HMGCLL1: variants seen among roughly 807,000 people sequenced by gnomAD.
The protein encoded by HMGCLL1 is 3-hydroxy-3-methylglutaryl-CoA lyase like 1, also known as 3-hydroxymethyl-3-methylglutaryl-CoA lyase, cytoplasmic.
In HMGCLL1, 36 loss-of-function variants were observed where a neutral mutation model predicts 39.1. The observed-to-expected ratio is 0.92, with a 90% CI of 0.71 to 1.22. The LOEUF is 1.22. HMGCLL1 is among the 50% of genes most tolerant of loss of function. HMGCLL1 has a pLI of 0.00. For missense variants in HMGCLL1, 451 were observed against 416.5 expected (o/e 1.08, Z -0.72); for synonymous variants, 149 against 144.0 (o/e 1.03, Z -0.25).
intron 7 of HMGCLL1, among the ~76,000 whole-genome samples, chr6:55,480,935 C>T (rs980011361): frequency 6.6e-6 from 1 of 152,010 alleles, no homozygotes; most frequent in Non-Finnish European, 1.5e-5. Context: ...AAAATTAAAA[C>T]AATTGAGCTC....
chr6:55,541,879 C>T, intron 2 of HMGCLL1, 43 bp from the exon 3 acceptor site: 2 of 1,145,412 alleles, frequency 1.7e-6, no homozygotes, highest in East Asian at 2.4e-5. Flanking sequence ...TGTATAGGTC[C>T]TATTTAAGCA....
chr6:55,638,407 CAAA>C, the HMGCLL1 span, among the ~76,000 whole-genome samples: 2,273 of 132,766 alleles, frequency 0.017, 28 homozygotes, highest in African/African-American at 0.046. Flanking sequence ...AACTCAGTCT[CAAA>C]AAAAAAAAAA....
At chr6:55,442,433 T>C (rs1763643018) in intron 7 of HMGCLL1, among the ~76,000 whole-genome samples, 1 of 152,154 alleles carries the variant, frequency 6.6e-6, no homozygotes, top group African/African-American at 2.4e-5. Context: ...CTGTTCAACA[T>C]TTGGCCATTG....
At chr6:55,596,765 A>T in the HMGCLL1 span, among the ~76,000 whole-genome samples, 1 of 152,198 alleles carries the variant, frequency 6.6e-6, no homozygotes, top group African/African-American at 2.4e-5. Flanking sequence ...GTTATCAGCA[A>T]TTAGTTCATG....
chr6:55,446,743 A>G (rs1312809279), intron 7 of HMGCLL1, among the ~76,000 whole-genome samples: 1 of 152,104 alleles, frequency 6.6e-6, no homozygotes, highest in African/African-American at 2.4e-5. Context: ...AAATGAATAC[A>G]TACAACAATA....
the HMGCLL1 span, among the ~76,000 whole-genome samples, chr6:55,632,142 T>A: frequency 6.6e-6 from 1 of 152,116 alleles, no homozygotes; most frequent in African/African-American, 2.4e-5. Context: ...GCTAACAACA[T>A]TTGAGCCAAG....
At chr6:55,615,989 T>G in the HMGCLL1 span, among the ~76,000 whole-genome samples, 1 of 152,098 alleles carries the variant, frequency 6.6e-6, no homozygotes, top group Non-Finnish European at 1.5e-5. Context: ...CCCTTAAAAT[T>G]TTATTCCTGG....
chr6:55,607,151 T>C, the HMGCLL1 span, among the ~76,000 whole-genome samples: 1 of 152,174 alleles, frequency 6.6e-6, no homozygotes, highest in Admixed American at 6.5e-5. Flanking sequence ...TTTGTTGTTA[T>C]GCTTTGAATG....
At chr6:55,652,686 C>T in the HMGCLL1 span, among the ~76,000 whole-genome samples, 1 of 152,074 alleles carries the variant, frequency 6.6e-6, no homozygotes, top group African/African-American at 2.4e-5. Flanking sequence ...ACTCATACAG[C>T]TCACGGCCAG....
chr6:55,469,452 T>G (rs2127402104), intron 7 of HMGCLL1, among the ~76,000 whole-genome samples: 1 of 137,306 alleles, frequency 7.3e-6, no homozygotes, highest in African/African-American at 3.0e-5. Context: ...CATATATATG[T>G]ATATATGTGT....
chr6:55,621,181 G>A, the HMGCLL1 span, among the ~76,000 whole-genome samples: 1 of 152,124 alleles, frequency 6.6e-6, no homozygotes, highest in East Asian at 1.9e-4. Flanking sequence ...TCTTTTGATA[G>A]AGATTGCACT....
At chr6:55,673,788 T>C in the HMGCLL1 span, among the ~76,000 whole-genome samples, 1 of 152,006 alleles carries the variant, frequency 6.6e-6, no homozygotes, top group Non-Finnish European at 1.5e-5. Flanking sequence ...CTTTACAAAG[T>C]ATTTCAAATA....
intron 7 of HMGCLL1, among the ~76,000 whole-genome samples, chr6:55,467,902 G>GGTA (rs1209176250): frequency 1.3e-5 from 2 of 152,024 alleles, no homozygotes; most frequent in Non-Finnish European, 2.9e-5. Context: ...CAGGTGAGGT[G>GGTA]CCATGTGGTA....
intron 7 of HMGCLL1, among the ~76,000 whole-genome samples, chr6:55,486,332 T>G (rs190822872): frequency 1.3e-5 from 2 of 152,108 alleles, no homozygotes; most frequent in Non-Finnish European, 2.9e-5. Flanking sequence ...ATGTAAAATA[T>G]AGGTTTCATA....
At chr6:55,510,336 G>T (rs1361231774) in intron 5 of HMGCLL1, among the ~76,000 whole-genome samples, 1 of 151,758 alleles carries the variant, frequency 6.6e-6, no homozygotes, top group Non-Finnish European at 1.5e-5. Context: ...AAAGACACAT[G>T]CACACGTATG....
At chr6:55,659,360 A>G in the HMGCLL1 span, among the ~76,000 whole-genome samples, 2 of 151,926 alleles carry the variant, frequency 1.3e-5, no homozygotes, top group African/African-American at 4.8e-5. Context: ...TATAGTCTCA[A>G]AGATTCTCTG....
intron 1 of HMGCLL1, among the ~76,000 whole-genome samples, chr6:55,578,554 G>A (rs4236134): frequency 0.51 from 77,975 of 152,032 alleles, 20,317 homozygotes; most frequent in South Asian, 0.61. Context: ...CTCACATTGT[G>A]ACAAATTTGT....
intron 7 of HMGCLL1, among the ~76,000 whole-genome samples, chr6:55,454,008 G>A (rs556812337): frequency 6.6e-6 from 1 of 152,106 alleles, no homozygotes; most frequent in Non-Finnish European, 1.5e-5. Flanking sequence ...TATTTACCAC[G>A]TTTCCTGAAG....
the HMGCLL1 span, among the ~76,000 whole-genome samples, chr6:55,595,189 T>C: frequency 5.9e-5 from 9 of 152,188 alleles, no homozygotes; most frequent in African/African-American, 2.2e-4. Flanking sequence ...AATCTACTAC[T>C]GAATCACAAT....
Sources: allele counts gnomAD v4.1 joint callset (sites outside exome capture counted in the v4.1 genomes callset), GRCh38; gene constraint gnomAD v4.1.1; transcripts MANE v1.5; gene names NCBI Gene and HGNC (gene_info 2026-07-23, HGNC 2026-07-21).